THSD7B: variants seen among roughly 807,000 people sequenced by gnomAD.
THSD7B encodes thrombospondin type-1 domain-containing protein 7B.
A neutral mutation model predicts 213.6 loss-of-function variants in THSD7B; 138 were observed. The ratio of observed to expected loss-of-function variants is 0.65; its 90% CI spans 0.56 to 0.74. The LOEUF is 0.74. THSD7B is among the 30% of genes least tolerant of loss of function. THSD7B has a pLI of 0.00. For synonymous variants in THSD7B, 742 were observed against 687.0 expected, an observed-to-expected ratio of 1.08 and a Z score of -1.25; for missense variants, 1,931 against 1,991.5, an observed-to-expected ratio of 0.97 and a Z score of 0.58.
chr2:137,317,546 T>C (rs1035261249), intron 12 of THSD7B, among the ~76,000 whole-genome samples: 6 of 152,076 alleles, frequency 3.9e-5, no homozygotes, highest in African/African-American at 1.4e-4. Flanking sequence ...GAGGAAAAAA[T>C]TTCTCAGATA....
chr2:137,076,952 T>C (rs1687638600), intron 3 of THSD7B, among the ~76,000 whole-genome samples: 1 of 151,024 alleles, frequency 6.6e-6, no homozygotes, highest in Non-Finnish European at 1.5e-5. Flanking sequence ...ATTAGGTATA[T>C]CTCCTAATGC....
chr2:137,500,514 G>A (rs1679677533), intron 15 of THSD7B, among the ~76,000 whole-genome samples: 1 of 152,172 alleles, frequency 6.6e-6, no homozygotes. Flanking sequence ...GGCAAATTAG[G>A]AAGGTCTAAA....
chr2:137,657,910 A>C, intron 24 of THSD7B, among the ~76,000 whole-genome samples: 1 of 152,036 alleles, frequency 6.6e-6, no homozygotes, highest in East Asian at 1.9e-4. Flanking sequence ...ACAGGGTTTC[A>C]CCATGTTGGC....
intron 7 of THSD7B, among the ~76,000 whole-genome samples, chr2:137,210,449 TA>T (rs1175297911): frequency 1.3e-5 from 2 of 152,230 alleles, no homozygotes; most frequent in East Asian, 3.9e-4. Flanking sequence ...TACATTCATT[TA>T]AAATTATCCA....
At chr2:137,126,953 C>A (rs1688639516) in intron 5 of THSD7B, among the ~76,000 whole-genome samples, 1 of 152,090 alleles carries the variant, frequency 6.6e-6, no homozygotes. Context: ...AGAACACACA[C>A]AACATTTATT....
intron 15 of THSD7B, among the ~76,000 whole-genome samples, chr2:137,507,762 C>A (rs1228176402): frequency 6.6e-6 from 1 of 151,616 alleles, no homozygotes; most frequent in East Asian, 1.9e-4. Context: ...CCCTCCCTTC[C>A]TTTCATTAAT....
intron 3 of THSD7B, among the ~76,000 whole-genome samples, chr2:137,084,747 C>T (rs1272175172): frequency 1.3e-5 from 2 of 152,150 alleles, no homozygotes; most frequent in African/African-American, 2.4e-5. Context: ...GAACATTGTC[C>T]TCTGGAAGAG....
chr2:137,542,130 G>A (rs1680621964), intron 15 of THSD7B, among the ~76,000 whole-genome samples: 1 of 151,616 alleles, frequency 6.6e-6, no homozygotes, highest in African/African-American at 2.4e-5. Context: ...CATAAACTCA[G>A]AGCTATTTTC....
intron 6 of THSD7B, among the ~76,000 whole-genome samples, chr2:137,163,236 A>G (rs186256268): frequency 6.6e-6 from 1 of 152,222 alleles, no homozygotes; most frequent in African/African-American, 2.4e-5. Flanking sequence ...ATAAGACACC[A>G]CTTGCTGTAG....
intron 14 of THSD7B, among the ~76,000 whole-genome samples, chr2:137,437,705 C>T (rs1400622772): frequency 6.6e-6 from 1 of 152,126 alleles, no homozygotes; most frequent in African/African-American, 2.4e-5. Context: ...TTCAATGTAA[C>T]TGTTTTTATT....
chr2:137,366,567 T>C (rs373776300), intron 12 of THSD7B, among the ~76,000 whole-genome samples: 1 of 152,014 alleles, frequency 6.6e-6, no homozygotes, highest in Non-Finnish European at 1.5e-5. Flanking sequence ...TCCCCTTCTA[T>C]GTGTTACATC....
intron 2 of THSD7B, among the ~76,000 whole-genome samples, chr2:136,960,297 A>G (rs1035596084): frequency 6.6e-6 from 1 of 151,732 alleles, no homozygotes; most frequent in Non-Finnish European, 1.5e-5. Flanking sequence ...CCAGCCAGTT[A>G]TTATTATTAT....
At chr2:137,507,107 C>G (rs147850345) in intron 15 of THSD7B, among the ~76,000 whole-genome samples, 118 of 152,316 alleles carry the variant, frequency 7.7e-4, no homozygotes, top group Non-Finnish European at 1.1e-3. Flanking sequence ...CCTCCAGGAA[C>G]TGAGTATTCT....
rs184697429 is a variant in THSD7B at position 137,299,264 on chromosome 2, G to T, written c.2500+23238G>T. ...TGTTTTGGCCAATTTCTCCCATTTG[G>T]TATGGCTGTATTTACTCAATACCTG... is the stretch of plus-strand genomic sequence containing the variant. On this transcript the variant is annotated intron_variant, in intron 12 of 27. Transcript: ENST00000409968. Among the ~76,000 whole-genome samples the T allele has an allele frequency of 8.8e-4, 134 of 152,182 alleles. 2 individuals are homozygous for T. In the East Asian group the frequency reaches 0.022, roughly 25 times the overall value.
At chr2:137,416,986 C>A (rs1486526590) in intron 14 of THSD7B, among the ~76,000 whole-genome samples, 2 of 152,134 alleles carry the variant, frequency 1.3e-5, no homozygotes, top group Non-Finnish European at 2.9e-5. Flanking sequence ...TGTTTTCTAT[C>A]TGATTCCAGA....
At chr2:136,918,033 AG>A (rs541894447) in intron 2 of THSD7B, among the ~76,000 whole-genome samples, 24 of 152,300 alleles carry the variant, frequency 1.6e-4, no homozygotes, top group Middle Eastern at 3.4e-3. Context: ...GACTCTGAAA[AG>A]TTTGTTATAT....
intron 15 of THSD7B, among the ~76,000 whole-genome samples, chr2:137,501,442 T>A (rs1380054078): frequency 6.6e-6 from 1 of 151,902 alleles, no homozygotes; most frequent in Non-Finnish European, 1.5e-5. Context: ...AAAAAAAAAA[T>A]TTGGTAAAGG....
rs1475740443 is a variant in THSD7B, at chr2:136,882,214, G to C, written c.36G>C (p.Trp12Cys). 1 of 1,540,354 alleles carries C rather than the reference G, an allele frequency of 6.5e-7. No individual in the cohort carries two copies. Among genetic ancestry groups the C allele is most frequent in the East Asian group, 2.5e-5 (1 of 40,046 alleles). The change falls in exon 2 of 28, where the codon TGG becomes TGC. Residue 12 changes from tryptophan (W) to cysteine (C), a missense_variant. Trp to Cys is a radical substitution (Grantham distance 215). Coordinates refer to ENST00000409968, the MANE Select transcript of THSD7B (RefSeq NM_001316349.2). ...FPKSNLTVTC[W>C]VWRSMRKLFL... ...AGAGCAACCTAACAGTCACTTGCTG[G>C]GTATGGAGGAGCATGAGGAAGCTCT... is the stretch of plus-strand genomic sequence containing the variant.
intron 16 of THSD7B, among the ~76,000 whole-genome samples, chr2:137,570,872 A>T (rs377496579): frequency 6.6e-6 from 1 of 152,226 alleles, no homozygotes; most frequent in African/African-American, 2.4e-5. Flanking sequence ...TAAATGAATC[A>T]CTGACAAATA....
Sources: allele counts gnomAD v4.1 joint callset (sites outside exome capture counted in the v4.1 genomes callset), GRCh38; gene constraint gnomAD v4.1.1; transcripts MANE v1.5; gene names NCBI Gene and HGNC (gene_info 2026-07-23, HGNC 2026-07-21).